PDGFD: variants seen among roughly 807,000 people sequenced by gnomAD.
The protein encoded by PDGFD is platelet-derived growth factor D.
A neutral mutation model predicts 44.7 loss-of-function variants in PDGFD; 30 were observed. The observed-to-expected ratio is 0.67, with a 90% CI of 0.50 to 0.91. The LOEUF (loss-of-function observed/expected upper bound fraction) is 0.91, where lower values mean the gene tolerates loss of function less well. PDGFD is among the 40% of genes least tolerant of loss of function. The probability of loss-of-function intolerance (pLI) is 0.00; values close to 1 mark genes in which losing one functional copy is unlikely to be tolerated. For synonymous variants in PDGFD, 173 were observed against 168.4 expected (o/e 1.03, Z -0.21); for missense variants, 445 against 457.8 (o/e 0.97, Z 0.25).
At chr11:104,073,667 A>T (rs1044572097) in intron 1 of PDGFD, among the ~76,000 whole-genome samples, 1 of 152,226 alleles carries the variant, frequency 6.6e-6, no homozygotes, top group East Asian at 1.9e-4. Context: ...ATTACAAAGC[A>T]CACCTCTAAA....
intron 1 of PDGFD, among the ~76,000 whole-genome samples, chr11:104,041,573 T>A (rs1183390755): frequency 2.0e-5 from 3 of 152,272 alleles, no homozygotes; most frequent in South Asian, 4.1e-4. Flanking sequence ...GAAATAGACC[T>A]TTCCTGTCTC....
At chr11:104,069,522 T>G (rs1188211276) in intron 1 of PDGFD, among the ~76,000 whole-genome samples, 3 of 152,232 alleles carry the variant, frequency 2.0e-5, no homozygotes, top group Non-Finnish European at 2.9e-5. Flanking sequence ...TCTTTTAGCA[T>G]TCATGAATGT....
chr11:104,125,494 A>C (rs1242994382), intron 1 of PDGFD, among the ~76,000 whole-genome samples: 1 of 152,124 alleles, frequency 6.6e-6, no homozygotes, highest in East Asian at 1.9e-4. Context: ...TGCTTGTGAG[A>C]GATTTCAATT....
intron 3 of PDGFD, among the ~76,000 whole-genome samples, chr11:103,994,706 C>G (rs1303297713): frequency 6.6e-6 from 1 of 151,972 alleles, no homozygotes; most frequent in African/African-American, 2.4e-5. Flanking sequence ...GGGACAGAGA[C>G]AAACCGAAAG....
chr11:104,111,225 A>T (rs12225994), intron 1 of PDGFD, among the ~76,000 whole-genome samples: 15,274 of 151,162 alleles, frequency 0.1, 925 homozygotes, highest in East Asian at 0.31. Flanking sequence ...ATTAGGAACA[A>T]ATCTATCTTA....
At chr11:104,059,591 C>T (rs189580010) in intron 1 of PDGFD, among the ~76,000 whole-genome samples, 1 of 152,160 alleles carries the variant, frequency 6.6e-6, no homozygotes, top group African/African-American at 2.4e-5. Flanking sequence ...TTCCAATTTA[C>T]ATTATAAAAA....
intron 1 of PDGFD, among the ~76,000 whole-genome samples, chr11:104,078,578 G>A (rs1028620969): frequency 6.2e-5 from 3 of 48,368 alleles, no homozygotes; most frequent in Non-Finnish European, 6.7e-5. Context: ...ATATTTTTTC[G>A]GATAATTTAT....
At chr11:103,981,128 T>A (rs182057815) in intron 3 of PDGFD, among the ~76,000 whole-genome samples, 5 of 150,880 alleles carry the variant, frequency 3.3e-5, no homozygotes, top group African/African-American at 1.2e-4. Context: ...GGTTAATGGA[T>A]TAATGGGTTA....
intron 1 of PDGFD, among the ~76,000 whole-genome samples, chr11:104,119,979 CATA>C (rs1565341293): frequency 7.3e-6 from 1 of 137,882 alleles, no homozygotes; most frequent in Non-Finnish European, 1.5e-5. Flanking sequence ...TACATAGTAT[CATA>C]ATTATTAATT....
In PDGFD at chr11:103,918,500, C is replaced by T. The variant is rs1037491662; in HGVS notation, c.987+8412G>A. Among the ~76,000 whole-genome samples, 9 of 152,120 alleles carry T rather than the reference C, an allele frequency of 5.9e-5. 1 individual carries two copies. Among genetic ancestry groups the T allele is most frequent in the Admixed American group, 5.9e-4 (9 of 15,270 alleles). ...GGCACCTGTAAAATCAGAGCTTTGTCGATTTGCTTTCTCATTTGACGGCAA... is the reference window on the plus strand; with the variant it reads ...GGCACCTGTAAAATCAGAGCTTTGTTGATTTGCTTTCTCATTTGACGGCAA... On this transcript the variant is annotated intron_variant, in intron 6 of 6. Transcript: ENST00000393158.
At chr11:104,139,156 T>C (rs1303228275) in intron 1 of PDGFD, among the ~76,000 whole-genome samples, 4 of 152,184 alleles carry the variant, frequency 2.6e-5, no homozygotes, top group Non-Finnish European at 4.4e-5. Flanking sequence ...ATTTATCTGA[T>C]CTAGCAATAA....
intron 1 of PDGFD, among the ~76,000 whole-genome samples, chr11:104,060,040 C>T (rs191016056): frequency 1.5e-3 from 228 of 152,318 alleles, no homozygotes; most frequent in Middle Eastern, 3.4e-3. Flanking sequence ...AAGGACAATA[C>T]ACTAACTCCT....
At chr11:104,013,313 C>T (rs983283266) in intron 1 of PDGFD, among the ~76,000 whole-genome samples, 2 of 152,134 alleles carry the variant, frequency 1.3e-5, no homozygotes, top group Non-Finnish European at 2.9e-5. Context: ...GACAAGAACC[C>T]AGGTACCAAG....
chr11:104,091,167 A>G (rs1861208104), intron 1 of PDGFD, among the ~76,000 whole-genome samples: 1 of 152,182 alleles, frequency 6.6e-6, no homozygotes, highest in Non-Finnish European at 1.5e-5. Context: ...GCTTGCTTAC[A>G]TGCGTATAGG....
chr11:104,023,159 T>C (rs1318109583), intron 1 of PDGFD, among the ~76,000 whole-genome samples: 1 of 152,158 alleles, frequency 6.6e-6, no homozygotes, highest in Non-Finnish European at 1.5e-5. Flanking sequence ...ACTATGACCT[T>C]GAGTATCTCC....
rs143546881 is a variant in PDGFD at position 104,056,990 on chromosome 11, T to C, written c.125-56735A>G. On this transcript the variant is annotated intron_variant, in intron 1 of 6. Transcript: ENST00000393158. ...TAAAATACAAAAAATTAGCCAGGCA[T>C]AGTGGTGCATGCCTGCAGTCCCAGC... Among the ~76,000 whole-genome samples, 1,274 of 152,108 alleles carry C rather than the reference T, an allele frequency of 8.4e-3. 22 individuals carry two copies. The highest frequency in any genetic ancestry group is 0.029 in the African/African-American group (1,189 of 41,506).
chr11:103,923,144 T>C (rs1303024828), intron 6 of PDGFD, among the ~76,000 whole-genome samples: 1 of 152,186 alleles, frequency 6.6e-6, no homozygotes, highest in African/African-American at 2.4e-5. Flanking sequence ...TCTTTTGTTA[T>C]AGTGGCCTCA....
chr11:104,153,750 G>A (rs1271775210), intron 1 of PDGFD, among the ~76,000 whole-genome samples: 1 of 152,144 alleles, frequency 6.6e-6, no homozygotes, highest in Non-Finnish European at 1.5e-5. Context: ...ATTACTCATT[G>A]TATACCTCAA....
At chr11:103,972,613 C>T (rs1859120455) in intron 3 of PDGFD, among the ~76,000 whole-genome samples, 1 of 152,150 alleles carries the variant, frequency 6.6e-6, no homozygotes, top group African/African-American at 2.4e-5. Context: ...GAGGCTGATG[C>T]ATAGTGTCCC....
Sources: gnomAD v4.1 joint callset for allele counts (sites outside exome capture counted in the v4.1 genomes callset) on GRCh38, gnomAD v4.1.1 for gene constraint, MANE v1.5 for transcripts, NCBI Gene and HGNC (gene_info 2026-07-23, HGNC 2026-07-21) for gene names.